SESTD1: variants seen among roughly 807,000 people sequenced by gnomAD.
SESTD1 encodes the protein SEC14 and spectrin domain containing 1.
SESTD1 carries 43 observed loss-of-function variants against 101.7 expected under a neutral mutation model. That is an observed-to-expected ratio of 0.42 (90% CI 0.33 to 0.55). The LOEUF is 0.55. Among genes scored for constraint, SESTD1 ranks in the 20% least tolerant of loss-of-function variants. The probability of loss-of-function intolerance (pLI) is 0.07; values close to 1 mark genes in which losing one functional copy is unlikely to be tolerated. For missense variants in SESTD1, 647 were observed against 815.1 expected, an observed-to-expected ratio of 0.79 and a Z score of 2.51; for synonymous variants, 283 against 286.8, an observed-to-expected ratio of 0.99 and a Z score of 0.13.
intron 5 of SESTD1, among the ~76,000 whole-genome samples, chr2:179,160,506 TTTA>T (rs1195414679): frequency 1.3e-5 from 2 of 150,510 alleles, no homozygotes; most frequent in Admixed American, 6.6e-5. Context: ...TATATGGTTC[TTTA>T]TTTTCTGCAA....
At chr2:179,142,180 G>A (rs527505278) in intron 9 of SESTD1, among the ~76,000 whole-genome samples, 3 of 152,318 alleles carry the variant, frequency 2.0e-5, no homozygotes, top group African/African-American at 7.2e-5. Context: ...ATCTGCTCTT[G>A]TACTATAATG....
intron 1 of SESTD1, among the ~76,000 whole-genome samples, chr2:179,236,553 T>C (rs1281909315): frequency 6.6e-6 from 1 of 151,938 alleles, no homozygotes; most frequent in Non-Finnish European, 1.5e-5. Flanking sequence ...CCTGAGCATA[T>C]AGCAAAGGGT....
intron 1 of SESTD1, among the ~76,000 whole-genome samples, chr2:179,227,828 CTGAACTGG>C (rs2046912371): frequency 6.6e-6 from 1 of 152,102 alleles, no homozygotes; most frequent in Non-Finnish European, 1.5e-5. Flanking sequence ...TAGCACCAGG[CTGAACTGG>C]GATCAAATGT....
rs1190811209 is a variant in SESTD1, at chr2:179,103,326, C to T, written c.*6573G>A. The T allele has an allele frequency of 6.6e-6, 1 of 152,082 alleles. No individual in the cohort carries two copies. Among genetic ancestry groups the T allele is most frequent in the African/African-American group, 2.4e-5 (1 of 41,410 alleles). 9.4% of individuals were successfully genotyped at this position (152,082 alleles called of 1,614,324 possible). A position where few individuals can be genotyped will look rare whatever the true frequency, so the allele number is the denominator to read the frequency against. On this transcript the variant is annotated 3_prime_UTR_variant, in exon 18 of 18. Coordinates refer to ENST00000428443, the MANE Select transcript of SESTD1 (RefSeq NM_178123.5). ...ATATGGATCATAAAAATAGTTTACA[C>T]CTTTATGCACATCAAAATACAAAAT...
intron 2 of SESTD1, among the ~76,000 whole-genome samples, chr2:179,184,509 T>A (rs1392509720): frequency 6.6e-6 from 1 of 151,994 alleles, no homozygotes; most frequent in South Asian, 2.1e-4. Flanking sequence ...TAGTAATCAA[T>A]CAATACGACT....
In SESTD1 at chr2:179,114,068, G is replaced by A. The variant is rs557741423; in HGVS notation, c.1839+997C>T. On this transcript the variant is annotated intron_variant, in intron 16 of 17. Transcript: ENST00000428443. ...TGAAATCTCACTGCACAGAATACTT[G>A]TGGTATGTTTTCTATGTTAATAGTA... is the stretch of plus-strand genomic sequence containing the variant. Among the ~76,000 whole-genome samples, 3 of 150,768 alleles carry A rather than the reference G, an allele frequency of 2.0e-5. No homozygotes were observed. The South Asian group carries it at 6.2e-4, about 31-fold the overall frequency.
At chr2:179,145,696 A>G (rs1484971135) in intron 8 of SESTD1, among the ~76,000 whole-genome samples, 1 of 152,220 alleles carries the variant, frequency 6.6e-6, no homozygotes, top group Non-Finnish European at 1.5e-5. Flanking sequence ...TGATTATAAA[A>G]CAGTAGAGCT....
intron 11 of SESTD1, 70 bp downstream of exon 11, chr2:179,124,294 G>GA: frequency 6.9e-7 from 1 of 1,459,350 alleles, no homozygotes; most frequent in Non-Finnish European, 9.2e-7. Context: ...ATGCAAACCT[G>GA]AAAAAAATTA....
chr2:179,243,570 T>C (rs1383528456), intron 1 of SESTD1, among the ~76,000 whole-genome samples: 2 of 152,122 alleles, frequency 1.3e-5, no homozygotes, highest in Non-Finnish European at 2.9e-5. Flanking sequence ...TGGAATACTA[T>C]GTAGCCATAA....
rs1269620978 is a variant in SESTD1, at chr2:179,105,247, T to C, written c.*4652A>G. 11 of 152,038 alleles carry C rather than the reference T, an allele frequency of 7.2e-5. No homozygotes were observed. The South Asian group carries it at 2.3e-3, about 32-fold the overall frequency. 9.4% of individuals were successfully genotyped at this position (152,038 alleles called of 1,614,324 possible). On this transcript the variant is annotated 3_prime_UTR_variant, in exon 18 of 18. Coordinates refer to ENST00000428443, the MANE Select transcript of SESTD1 (RefSeq NM_178123.5). The stretch of plus-strand genomic sequence containing the variant: ...AGATTTATGCTGTTGTTGTTTCTAC[T>C]GGTCGGTGCTCGCTCACTAATATCC...
At chr2:179,120,842 A>AGAGTT (rs756526338) in intron 13 of SESTD1, among the ~76,000 whole-genome samples, 3 of 152,192 alleles carry the variant, frequency 2.0e-5, no homozygotes, top group Non-Finnish European at 2.9e-5. Flanking sequence ...TAAAAGACAA[A>AGAGTT]GAGTTGAAGA....
intron 1 of SESTD1, among the ~76,000 whole-genome samples, chr2:179,244,857 G>A (rs2047206844): frequency 1.3e-5 from 2 of 152,156 alleles, no homozygotes; most frequent in South Asian, 4.1e-4. Context: ...TGTGTGTACA[G>A]GAAACACTGT....
chr2:179,252,862 G>A (rs904295681), intron 1 of SESTD1, among the ~76,000 whole-genome samples: 1 of 152,276 alleles, frequency 6.6e-6, no homozygotes, highest in Admixed American at 6.5e-5. Context: ...TATTTTCATA[G>A]TGTCTCCTTT....
At chr2:179,150,578 T>C (rs1010343776) in intron 6 of SESTD1, among the ~76,000 whole-genome samples, 5 of 151,870 alleles carry the variant, frequency 3.3e-5, no homozygotes, top group Admixed American at 6.6e-5. Context: ...TCCCAGCACT[T>C]TGGAAGGCCG....
intron 1 of SESTD1, among the ~76,000 whole-genome samples, chr2:179,256,124 T>C (rs2047389599): frequency 6.6e-6 from 1 of 152,238 alleles, no homozygotes; most frequent in African/African-American, 2.4e-5. Context: ...AATGTTTCCA[T>C]ACCTGCTGAC....
rs1471730937 is a variant in SESTD1, at chr2:179,103,752, T to C, written c.*6147A>G. On this transcript the variant is annotated 3_prime_UTR_variant, in exon 18 of 18. Transcript: ENST00000428443. Reference sequence around the variant, plus strand: ...TTTGAGGGTCAAGTAGGGACAGGAATTGACTGGAAAGGGCAGTGTGGAAAC... The same window carrying C: ...TTTGAGGGTCAAGTAGGGACAGGAACTGACTGGAAAGGGCAGTGTGGAAAC... The C allele has an allele frequency of 6.6e-6, 1 of 152,088 alleles. No individual in the cohort carries two copies. The highest frequency in any genetic ancestry group is 1.5e-5 in the Non-Finnish European group (1 of 68,004). The allele number at this position is 152,088 out of a possible 1,614,324, so 9.4% of individuals were successfully genotyped here.
At chr2:179,160,269 A>T (rs2045709828) in intron 5 of SESTD1, among the ~76,000 whole-genome samples, 1 of 152,252 alleles carries the variant, frequency 6.6e-6, no homozygotes, top group African/African-American at 2.4e-5. Context: ...TGTATTACGT[A>T]TAATTCATTT....
At chr2:179,245,515 C>CAA (rs59103658) in intron 1 of SESTD1, among the ~76,000 whole-genome samples, 3,459 of 45,074 alleles carry the variant, frequency 0.077, 463 homozygotes, top group African/African-American at 0.11. Context: ...GACTCTGTCT[C>CAA]AAAAAAAAAA....
intron 1 of SESTD1, among the ~76,000 whole-genome samples, chr2:179,253,049 G>A (rs541753552): frequency 1.7e-4 from 26 of 152,074 alleles, no homozygotes; most frequent in Non-Finnish European, 2.8e-4. Context: ...AAATACATAG[G>A]TGGCTAGGCT....
Sources: allele counts gnomAD v4.1 joint callset (sites outside exome capture counted in the v4.1 genomes callset), GRCh38; gene constraint gnomAD v4.1.1; transcripts MANE v1.5; gene names NCBI Gene and HGNC (gene_info 2026-07-23, HGNC 2026-07-21).